Variants in NBEA observed in about 807,000 individuals in gnomAD.
The protein encoded by NBEA is lysosomal-trafficking regulator 2.
A neutral mutation model predicts 343.4 loss-of-function variants in NBEA; 44 were observed. The observed-to-expected ratio is 0.13, with a 90% CI of 0.10 to 0.16. The LOEUF is 0.16. NBEA is among the 10% of genes least tolerant of loss of function. NBEA has a pLI of 1.00. For synonymous variants in NBEA, 1,175 were observed against 1,238.7 expected (o/e 0.95, Z 1.08); for missense variants, 2,555 against 3,631.3 (o/e 0.70, Z 7.62).
chr13:35,108,994 A>G (rs1482708977), intron 11 of NBEA, among the ~76,000 whole-genome samples: 1 of 152,112 alleles, frequency 6.6e-6, no homozygotes, highest in Non-Finnish European at 1.5e-5. Context: ...CAAAAAATGA[A>G]ATGAAGCCAT....
intron 38 of NBEA, among the ~76,000 whole-genome samples, chr13:35,414,443 A>G (rs1222031502): frequency 6.7e-6 from 1 of 149,908 alleles, no homozygotes; most frequent in Non-Finnish European, 1.5e-5. Flanking sequence ...AACTGTTGTC[A>G]TTGTTTAATT....
chr13:35,257,015 C>T (rs2032689604), intron 34 of NBEA, among the ~76,000 whole-genome samples: 1 of 152,232 alleles, frequency 6.6e-6, no homozygotes, highest in Non-Finnish European at 1.5e-5. Context: ...ATGCAGCCCA[C>T]AGCCCTGGCC....
intron 51 of NBEA, among the ~76,000 whole-genome samples, chr13:35,649,162 G>A (rs2479437): frequency 0.42 from 64,609 of 152,038 alleles, 14,233 homozygotes; most frequent in Middle Eastern, 0.61. Context: ...GCGCTCGGCT[G>A]CTTTATGGGG....
At chr13:35,437,509 A>T (rs2045506461) in intron 39 of NBEA, among the ~76,000 whole-genome samples, 1 of 152,064 alleles carries the variant, frequency 6.6e-6, no homozygotes, top group Non-Finnish European at 1.5e-5. Flanking sequence ...GTCATGTGCA[A>T]AAGATTTTGT....
intron 1 of NBEA, among the ~76,000 whole-genome samples, chr13:34,999,456 G>A (rs2061050242): frequency 6.6e-6 from 1 of 152,080 alleles, no homozygotes; most frequent in South Asian, 2.1e-4. Flanking sequence ...CTTATGATGA[G>A]TGAAGAGCTT....
At chr13:35,182,245 A>G (rs1197604989) in intron 28 of NBEA, 115 bp from the exon 29 acceptor site, 1 of 573,430 alleles carries the variant, frequency 1.7e-6, no homozygotes, top group Non-Finnish European at 2.7e-6. Context: ...GTTTTCATAA[A>G]AGTTACATAT....
chr13:35,129,737 A>G (rs553532145), intron 17 of NBEA, among the ~76,000 whole-genome samples: 4 of 152,106 alleles, frequency 2.6e-5, no homozygotes, highest in Admixed American at 1.3e-4. Context: ...AAAATTGATG[A>G]AAGACCTGAT....
Position 35,596,946 on chromosome 13 carries a change from A to G in NBEA, c.7296+3499A>G, listed in dbSNP as rs1453610448. On this transcript the variant is annotated intron_variant, in intron 47 of 58. Transcript: ENST00000379939. Reference sequence around the variant, plus strand: ...GAGATGGCAGCTTTAAAACCTTGCAATGAATTATATTAGAAAAGTGAAAAC... The same window carrying G: ...GAGATGGCAGCTTTAAAACCTTGCAGTGAATTATATTAGAAAAGTGAAAAC... 2.6e-5 allele frequency among the ~76,000 whole-genome samples: 4 copies of G among 152,230 alleles called. No individual in the cohort carries two copies. The East Asian group carries it at 7.7e-4, about 29-fold the overall frequency.
intron 49 of NBEA, among the ~76,000 whole-genome samples, chr13:35,633,677 G>T (rs1236913758): frequency 6.6e-6 from 1 of 151,906 alleles, no homozygotes; most frequent in African/African-American, 2.4e-5. Context: ...TGACAGAGAT[G>T]ATACCTAATT....
At chr13:35,505,909 A>C (rs947578324) in intron 41 of NBEA, among the ~76,000 whole-genome samples, 1 of 152,208 alleles carries the variant, frequency 6.6e-6, no homozygotes, top group Non-Finnish European at 1.5e-5. Flanking sequence ...AATATTTTGC[A>C]TATAAAAACA....
chr13:35,304,606 T>A (rs894021197), intron 35 of NBEA, among the ~76,000 whole-genome samples: 1 of 152,212 alleles, frequency 6.6e-6, no homozygotes, highest in African/African-American at 2.4e-5. Context: ...ATAAGTCTTC[T>A]GTGTTCAGAA....
chr13:35,134,665 G>A (rs1413264176), intron 17 of NBEA, among the ~76,000 whole-genome samples: 1 of 151,896 alleles, frequency 6.6e-6, no homozygotes, highest in Non-Finnish European at 1.5e-5. Flanking sequence ...GAAGAACTTT[G>A]TACTTATATT....
rs981463914 is a variant in NBEA, at chr13:35,161,601, C to A, written c.3862-149C>A. The A allele has an allele frequency of 3.1e-5, 22 of 702,360 alleles. No homozygotes were observed. In the South Asian group the frequency reaches 4.5e-4, roughly 14 times the overall value. 43.5% of individuals were successfully genotyped at this position (702,360 alleles called of 1,614,324 possible). A position where few individuals can be genotyped will look rare whatever the true frequency, so the allele number is the denominator to read the frequency against. On this transcript the variant is annotated intron_variant, in intron 22 of 58. Coordinates refer to ENST00000379939, the MANE Select transcript of NBEA (RefSeq NM_001385012.1). ...AAAAGTTTCCTGTGCAAGGAATTAC[C>A]AGGTGAATAATATATGTGAAATATA...
intron 41 of NBEA, among the ~76,000 whole-genome samples, chr13:35,540,388 G>A (rs2078766317): frequency 6.6e-6 from 1 of 152,130 alleles, no homozygotes; most frequent in Non-Finnish European, 1.5e-5. Context: ...ATTTTCAGTA[G>A]TATAGAGTTC....
chr13:35,486,609 G>C (rs1050204229), intron 41 of NBEA, among the ~76,000 whole-genome samples: 1 of 152,030 alleles, frequency 6.6e-6, no homozygotes, highest in African/African-American at 2.4e-5. Flanking sequence ...TGCAGAGCCA[G>C]GTCTGTCTGA....
chr13:35,206,566 G>A (rs1010920238), intron 31 of NBEA, among the ~76,000 whole-genome samples: 29 of 151,970 alleles, frequency 1.9e-4, no homozygotes, highest in Non-Finnish European at 8.8e-5. Context: ...CCAAATATTG[G>A]CAAGTTCCTT....
chr13:35,056,217 G>A, intron 7 of NBEA, 88 bp downstream of exon 7: 7 of 1,121,284 alleles, frequency 6.2e-6, no homozygotes, highest in Non-Finnish European at 8.1e-6. Flanking sequence ...AAATAGTTTG[G>A]TAGAAGCTTA....
intron 38 of NBEA, among the ~76,000 whole-genome samples, chr13:35,414,278 C>T (rs1013363518): frequency 1.3e-5 from 2 of 152,006 alleles, no homozygotes; most frequent in South Asian, 2.1e-4. Flanking sequence ...ATGTGCACAA[C>T]GTGCAGGTTT....
At chr13:35,197,415 A>G (rs570569459) in intron 31 of NBEA, among the ~76,000 whole-genome samples, 8 of 152,238 alleles carry the variant, frequency 5.3e-5, no homozygotes, top group Non-Finnish European at 1.0e-4. Context: ...TATCTATTCC[A>G]TATTGCTTTC....
Sources: gnomAD v4.1 joint callset for allele counts (sites outside exome capture counted in the v4.1 genomes callset) on GRCh38, gnomAD v4.1.1 for gene constraint, MANE v1.5 for transcripts, NCBI Gene and HGNC (gene_info 2026-07-23, HGNC 2026-07-21) for gene names.